PDE1B: variants seen among roughly 807,000 people sequenced by gnomAD.
PDE1B encodes phosphodiesterase 1B, also known as dual specificity calcium/calmodulin-dependent 3',5'-cyclic nucleotide phosphodiesterase 1B.
PDE1B carries 13 observed loss-of-function variants against 66.7 expected under a neutral mutation model. That is an observed-to-expected ratio of 0.19 (90% confidence interval 0.13 to 0.31). The LOEUF is 0.31. PDE1B is among the 10% of genes least tolerant of loss of function. PDE1B has a pLI of 1.00. For synonymous variants in PDE1B, 230 were observed against 253.9 expected (o/e 0.91, Z 0.90); for missense variants, 485 against 682.3 (o/e 0.71, Z 3.22).
chr12:54,575,327 C>T lies in PDE1B; in HGVS notation c.1185+109C>T. 1.0e-6 allele frequency: 1 copy of T among 997,628 alleles called. No homozygotes were observed. The highest frequency in any genetic ancestry group is 1.9e-5 in the Admixed American group (1 of 53,408). 61.8% of individuals were successfully genotyped at this position (997,628 alleles called of 1,614,324 possible). ...ATCCTCCTTTTGCTACCTGTAGTCTCTGACCTGATCCCAAATCCTTGGGGT... is the reference window on the plus strand; with the variant it reads ...ATCCTCCTTTTGCTACCTGTAGTCTTTGACCTGATCCCAAATCCTTGGGGT... On this transcript the variant is annotated intron_variant, in intron 11 of 15. Coordinates refer to ENST00000243052, the MANE Select transcript of PDE1B (RefSeq NM_000924.4). This position sits in a 1 kb window ranked among gnomAD's most constrained non-coding sequence, Gnocchi z 4.0.
Position 54,573,579 on chromosome 12 carries a change from T to C in PDE1B, c.963-29T>C. 6.2e-7 allele frequency: 1 copy of C among 1,611,598 alleles called. No homozygotes were observed. Among genetic ancestry groups the C allele is most frequent in the Non-Finnish European group, 8.5e-7 (1 of 1,177,672 alleles). On this transcript the variant is annotated intron_variant, in intron 9 of 15. Coordinates refer to ENST00000243052, the MANE Select transcript of PDE1B (RefSeq NM_000924.4). The surrounding 1 kb of genome is among the most constrained non-coding windows in gnomAD (Gnocchi z 5.2). ...TCCTGCCCAGCAGCGCTGAGGGGAC[T>C]GATTGCTTCTCTTTTTATGTCCGCT...
At chr12:54,561,757 T>G in intron 2 of PDE1B, 1 of 583,800 alleles carries the variant, frequency 1.7e-6, no homozygotes, top group East Asian at 3.1e-5. Flanking sequence ...CCATATGTTT[T>G]GTGCGTGTGT....
In PDE1B at chr12:54,569,488, G is replaced by T; in HGVS notation, c.411-58G>T. On this transcript the variant is annotated intron_variant, in intron 4 of 15. Transcript: ENST00000243052. This position sits in a 1 kb window ranked among gnomAD's most constrained non-coding sequence, Gnocchi z 4.4. ...TGGCTCATCCCCACATCCCCAGCTG[G>T]CCACACCTCCACTCCCAGACCTTCA... 1.3e-6 allele frequency: 2 copies of T among 1,586,362 alleles called. No homozygotes were observed. Among genetic ancestry groups the T allele is most frequent in the Non-Finnish European group, 1.7e-6 (2 of 1,155,282 alleles).
In PDE1B at chr12:54,570,141, C is replaced by T. The variant is rs1028635273; in HGVS notation, c.478-100C>T. ...CACACTTTACCATTTCTTTGCTTTC[C>T]TATTTACCAAGACTTTGTACTCATG... On this transcript the variant is annotated intron_variant, in intron 5 of 15. Transcript: ENST00000243052. 5.4e-6 allele frequency: 4 copies of T among 734,370 alleles called. No homozygotes were observed. In the African/African-American group the frequency reaches 7.0e-5, roughly 13 times the overall value. 45.5% of individuals were successfully genotyped at this position (734,370 alleles called of 1,614,324 possible). A position where few individuals can be genotyped will look rare whatever the true frequency, so the allele number is the denominator to read the frequency against.
intron 2 of PDE1B, among the ~76,000 whole-genome samples, chr12:54,550,974 G>A (rs1167135352): frequency 1.3e-5 from 2 of 152,182 alleles, no homozygotes; most frequent in African/African-American, 4.8e-5. Context: ...TCTTAATCAG[G>A]GAACAAGAGA....
intron 2 of PDE1B, among the ~76,000 whole-genome samples, chr12:54,564,407 G>A (rs1232468857): frequency 6.6e-6 from 1 of 151,852 alleles, no homozygotes; most frequent in African/African-American, 2.4e-5. Context: ...TGAGGTGGGA[G>A]GATCACTTGA....
chr12:54,575,248 C>T lies in PDE1B; in HGVS notation c.1185+30C>T. ...CGTGGCATCTTTGCCTTCCCTGTGC[C>T]TATGGGGGCCTTCTCTCCCCTTTTG... On this transcript the variant is annotated intron_variant, in intron 11 of 15. Transcript: ENST00000243052. This position sits in a 1 kb window ranked among gnomAD's most constrained non-coding sequence, Gnocchi z 4.0. The T allele has an allele frequency of 6.2e-7, 1 of 1,600,368 alleles. No homozygotes were observed. The highest frequency in any genetic ancestry group is 8.6e-7 in the Non-Finnish European group (1 of 1,168,036).
intron 2 of PDE1B, among the ~76,000 whole-genome samples, chr12:54,565,155 C>T (rs557119480): frequency 6.6e-6 from 1 of 152,180 alleles, no homozygotes; most frequent in Non-Finnish European, 1.5e-5. Context: ...GAGAAGGGAA[C>T]TGGAAGAACT....
chr12:54,564,364 GCTCGTGTCTGTAAT>G (rs1347625480), intron 2 of PDE1B, among the ~76,000 whole-genome samples: 26 of 151,522 alleles, frequency 1.7e-4, no homozygotes, highest in African/African-American at 6.3e-4. Flanking sequence ...GGGTGCAGTG[GCTCGTGTCTGTAAT>G]CCCAGCACTT....
In PDE1B at chr12:54,569,475, A is replaced by C. The variant is rs547956248; in HGVS notation, c.411-71A>C. The C allele has an allele frequency of 3.2e-6, 5 of 1,585,434 alleles. No individual in the cohort carries two copies. Among genetic ancestry groups the C allele is most frequent in the Non-Finnish European group, 4.3e-6 (5 of 1,155,428 alleles). On this transcript the variant is annotated intron_variant, in intron 4 of 15. Transcript: ENST00000243052. This position sits in a 1 kb window ranked among gnomAD's most constrained non-coding sequence, Gnocchi z 4.4. ...CCATATGATCCCATGGCTCATCCCC[A>C]CATCCCCAGCTGGCCACACCTCCAC...
At chr12:54,559,253 C>G (rs1355122450) in intron 2 of PDE1B, among the ~76,000 whole-genome samples, 1 of 141,762 alleles carries the variant, frequency 7.1e-6, no homozygotes, top group African/African-American at 2.6e-5. Context: ...CCTTTACCCC[C>G]ACCCACCCCC....
chr12:54,574,516 T>G (rs1957693070), intron 10 of PDE1B: 1 of 152,372 alleles, frequency 6.6e-6, no homozygotes, highest in South Asian at 2.1e-4. Context: ...AGTAACTTGC[T>G]CAGTGTCACG....
At chr12:54,550,124 C>T in intron 2 of PDE1B, 139 bp downstream of exon 2, 2 of 1,450,108 alleles carry the variant, frequency 1.4e-6, no homozygotes, top group Non-Finnish European at 1.8e-6. Flanking sequence ...GAAGCACGGC[C>T]CTGACACGCG....
intron 14 of PDE1B, 166 bp downstream of exon 14, chr12:54,576,867 G>A (rs1306512190): frequency 2.8e-6 from 2 of 709,596 alleles, no homozygotes; most frequent in Non-Finnish European, 4.7e-6. Context: ...TGGCTGAGTG[G>A]CCTGGAATGT....
At chr12:54,554,557 A>C (rs1180425022) in intron 2 of PDE1B, among the ~76,000 whole-genome samples, 1 of 152,122 alleles carries the variant, frequency 6.6e-6, no homozygotes, top group Non-Finnish European at 1.5e-5. Flanking sequence ...ATCTCTGGGA[A>C]GGTAGAGGGT....
Position 54,556,891 on chromosome 12 carries a change from G to A in PDE1B, c.113+6906G>A, listed in dbSNP as rs989487952. 3.3e-5 allele frequency among the ~76,000 whole-genome samples: 5 copies of A among 151,920 alleles called. 1 individual carries two copies. Among genetic ancestry groups the A allele is most frequent in the African/African-American group, 9.7e-5 (4 of 41,338 alleles). ...GGGGGGTTGAGGGCTGGGGGCTGGG[G>A]GCTGGGGGCTGGTTGTAGGGAGAGG... On this transcript the variant is annotated intron_variant, in intron 2 of 15. Coordinates refer to ENST00000243052, the MANE Select transcript of PDE1B (RefSeq NM_000924.4).
At chr12:54,576,756 C>CT in intron 14 of PDE1B, 55 bp downstream of exon 14, 1 of 1,540,420 alleles carries the variant, frequency 6.5e-7, no homozygotes, top group Non-Finnish European at 8.8e-7. Context: ...GATCATGGAG[C>CT]ACTAGGAGGT....
At chr12:54,572,367 A>G (rs566440773) in intron 6 of PDE1B, 2 of 572,834 alleles carry the variant, frequency 3.5e-6, no homozygotes, top group East Asian at 2.7e-5. Context: ...GGTAGGTGGT[A>G]TTATCTTTCA....
Position 54,573,145 on chromosome 12 carries a change from T to C in PDE1B, c.736-3T>C. 6.2e-7 allele frequency: 1 copy of C among 1,611,026 alleles called. No homozygotes were observed. Among genetic ancestry groups the C allele is most frequent in the South Asian group, 1.1e-5 (1 of 91,024 alleles). ...CTCTCATTCTTTCTCTTTCCTCCTG[T>C]AGCACTGCCTGTCGGAGATTGAGCT... is the stretch of plus-strand genomic sequence containing the variant. On this transcript the variant is annotated splice_polypyrimidine_tract_variant and splice_region_variant and intron_variant, in intron 7 of 15. Coordinates refer to ENST00000243052, the MANE Select transcript of PDE1B (RefSeq NM_000924.4). This position sits in a 1 kb window ranked among gnomAD's most constrained non-coding sequence, Gnocchi z 5.2.
Sources: allele counts gnomAD v4.1 joint callset (sites outside exome capture counted in the v4.1 genomes callset), GRCh38; gene constraint gnomAD v4.1.1; non-coding constraint Gnocchi (gnomAD v3.1); transcripts MANE v1.5; gene names NCBI Gene and HGNC (gene_info 2026-07-23, HGNC 2026-07-21).